Variants in STEEP1 observed in about 807,000 individuals in gnomAD.
The protein encoded by STEEP1 is STING1 ER exit protein 1.
A neutral mutation model predicts 19.2 loss-of-function variants in STEEP1; 3 were observed. The observed-to-expected ratio is 0.16, with a 90% CI of 0.07 to 0.40. The LOEUF is 0.40. Among genes scored for constraint, STEEP1 ranks in the 10% least tolerant of loss-of-function variants. STEEP1 has a pLI of 0.99. For synonymous variants in STEEP1, 46 were observed against 63.7 expected (o/e 0.72, Z 1.32); for missense variants, 54 against 177.1 (o/e 0.30, Z 3.94).
intron 4 of STEEP1, chrX:119,542,855 C>T: frequency 4.4e-6 from 1 of 227,757 alleles, no homozygotes; most frequent in Non-Finnish European, 7.8e-6. Context: ...GGCTGGAATA[C>T]AGTGGCACAA....
chrX:119,551,690 A>C (rs183833609), intron 2 of STEEP1, among the ~76,000 whole-genome samples: 28 of 70,240 alleles, frequency 4.0e-4, no homozygotes, highest in African/African-American at 1.3e-3. Flanking sequence ...CTCACACCAC[A>C]ACAACAACCT....
At chrX:119,545,833 C>T (rs777360964) in intron 2 of STEEP1, among the ~76,000 whole-genome samples, 53 of 99,279 alleles carry the variant, frequency 5.3e-4, no homozygotes, top group Admixed American at 1.8e-3. Context: ...GCGGAGGTTG[C>T]GGTGAGCCGA....
Position 119,545,520 on chromosome X carries a change from A to C in STEEP1, c.243-16T>G, listed in dbSNP as rs1444272708. ...GCCTTCAGGTCTGCACAGAAAATGG[A>C]AGTTAAAAAGATATGAACAAATCTC... On this transcript the variant is annotated splice_polypyrimidine_tract_variant and intron_variant, in intron 2 of 6. Coordinates refer to ENST00000644802, the MANE Select transcript of STEEP1 (RefSeq NM_022101.4). 1.8e-6 allele frequency: 2 copies of C among 1,114,525 alleles called. No individual in the cohort carries two copies. The highest frequency in any genetic ancestry group is 2.5e-6 in the Non-Finnish European group (2 of 810,121). The allele number at this position is 1,114,525 out of a possible 1,213,427, so 91.8% of individuals were successfully genotyped here. A position where few individuals can be genotyped will look rare whatever the true frequency, so the allele number is the denominator to read the frequency against.
At chrX:119,542,227 C>T (rs762104255) in intron 5 of STEEP1, among the ~76,000 whole-genome samples, 3 of 108,336 alleles carry the variant, frequency 2.8e-5, no homozygotes, top group Non-Finnish European at 3.8e-5. Context: ...CCAACACGCC[C>T]GGCTAATTTT....
rs201577508 is a variant in STEEP1, at chrX:119,553,638, CTAA to C, written c.242+6627_242+6629del. Among the ~76,000 whole-genome samples, 901 of 111,278 alleles carry C rather than the reference CTAA, an allele frequency of 8.1e-3. 11 individuals are homozygous for C. The highest frequency in any genetic ancestry group is 0.028 in the African/African-American group (872 of 30,635). On this transcript the variant is annotated intron_variant, in intron 2 of 6. Coordinates refer to ENST00000644802, the MANE Select transcript of STEEP1 (RefSeq NM_022101.4). ...TCATTGACATCACTGGACCAGGGCA[CTAA>C]TAATATTTTTGGTTCTATATACCCT...
chrX:119,554,401 C>T (rs754001034), intron 2 of STEEP1, among the ~76,000 whole-genome samples: 10 of 111,291 alleles, frequency 9.0e-5, no homozygotes, highest in Non-Finnish European at 1.5e-4. Context: ...GCCAAGATTG[C>T]GCCACTGCAC....
In STEEP1 at chrX:119,538,933, C is replaced by T. The variant is rs2053142397; in HGVS notation, c.*794G>A. ...CCTCTGACAGTAGAAAGATTCAAAC[C>T]ACAGCCAATTCCAAGAACCCTTCTA... On this transcript the variant is annotated 3_prime_UTR_variant, in exon 7 of 7. Transcript: ENST00000644802. The T allele has an allele frequency of 9.0e-6, 1 of 111,156 alleles. No homozygotes were observed. The highest frequency in any genetic ancestry group is 1.9e-5 in the Non-Finnish European group (1 of 53,166). 9.2% of individuals were successfully genotyped at this position (111,156 alleles called of 1,213,427 possible).
Position 119,547,831 on chromosome X carries a change from G to T in STEEP1, c.243-2327C>A, listed in dbSNP as rs186031346. 4.4e-3 allele frequency among the ~76,000 whole-genome samples: 489 copies of T among 111,425 alleles called. 2 individuals carry two copies. The highest frequency in any genetic ancestry group is 0.015 in the African/African-American group (450 of 30,669). ...GACATTTCTCCAAGACATACAAATG[G>T]CCAACAGGTATATGAAAAGACTAAT... On this transcript the variant is annotated intron_variant, in intron 2 of 6. Coordinates refer to ENST00000644802, the MANE Select transcript of STEEP1 (RefSeq NM_022101.4).
intron 2 of STEEP1, among the ~76,000 whole-genome samples, chrX:119,549,731 G>A (rs1408869660): frequency 7.1e-5 from 8 of 112,289 alleles, no homozygotes; most frequent in Non-Finnish European, 3.8e-5. Context: ...GAGAAAGCTC[G>A]ATTTTAAAAC....
intron 2 of STEEP1, among the ~76,000 whole-genome samples, chrX:119,555,902 A>T (rs1340450272): frequency 1.8e-5 from 2 of 111,726 alleles, no homozygotes; most frequent in Non-Finnish European, 3.8e-5. Flanking sequence ...CATAAGAAGA[A>T]GGAAAAGAAG....
chrX:119,543,944 GGAAA>G (rs2053182863), intron 4 of STEEP1, among the ~76,000 whole-genome samples: 1 of 111,945 alleles, frequency 8.9e-6, no homozygotes, highest in Non-Finnish European at 1.9e-5. Context: ...GGCAACTGTA[GGAAA>G]GAGAGAACAC....
chrX:119,563,155 C>T (rs954667714), intron 1 of STEEP1, among the ~76,000 whole-genome samples: 4 of 112,014 alleles, frequency 3.6e-5, no homozygotes, highest in African/African-American at 1.3e-4. Flanking sequence ...TTGAACAGGA[C>T]TCTGGCTACT....
chrX:119,562,187 A>G (rs1464962307), intron 1 of STEEP1, among the ~76,000 whole-genome samples: 1 of 111,872 alleles, frequency 8.9e-6, no homozygotes, highest in African/African-American at 3.2e-5. Flanking sequence ...ACCTGAGGTC[A>G]GGAGTTCGAG....
intron 4 of STEEP1, among the ~76,000 whole-genome samples, chrX:119,543,640 A>T (rs1384020512): frequency 9.2e-6 from 1 of 108,262 alleles, no homozygotes; most frequent in Non-Finnish European, 1.9e-5. Context: ...ATACCATCAC[A>T]CCCAGCCAAT....
intron 1 of STEEP1, among the ~76,000 whole-genome samples, chrX:119,561,101 G>T (rs1466867007): frequency 9.1e-6 from 1 of 110,314 alleles, no homozygotes; most frequent in African/African-American, 3.3e-5. Context: ...CCTGAGGTCA[G>T]TAGTTCAAGA....
rs2053151316 is a variant in STEEP1 at position 119,539,873 on chromosome X, C to T, written c.607-84G>A. Reference sequence around the variant, plus strand: ...TATTCTAACCAACCCAAACACTCTCCCTTAATGTTCATTTAGTGTACAAAC... The same window carrying T: ...TATTCTAACCAACCCAAACACTCTCTCTTAATGTTCATTTAGTGTACAAAC... On this transcript the variant is annotated intron_variant, in intron 6 of 6. Coordinates refer to ENST00000644802, the MANE Select transcript of STEEP1 (RefSeq NM_022101.4). The T allele has an allele frequency of 4.4e-6, 3 of 677,423 alleles. No homozygotes were observed. The South Asian group carries it at 7.7e-5, about 17-fold the overall frequency. The allele number at this position is 677,423 out of a possible 1,213,427, so 55.8% of individuals were successfully genotyped here.
chrX:119,565,037 A>C (rs1392654276), intron 1 of STEEP1, 195 bp downstream of exon 1: 3 of 510,926 alleles, frequency 5.9e-6, no homozygotes, highest in Non-Finnish European at 8.6e-6. Flanking sequence ...CAGAGTCACA[A>C]GGCTAAACAA....
intron 1 of STEEP1, among the ~76,000 whole-genome samples, chrX:119,564,512 G>T (rs1343689918): frequency 8.6e-5 from 8 of 93,339 alleles, no homozygotes; most frequent in African/African-American, 2.3e-4. Flanking sequence ...AAGGGGGGGG[G>T]GAAATACGAG....
intron 2 of STEEP1, among the ~76,000 whole-genome samples, chrX:119,549,975 T>C (rs12846138): frequency 0.12 from 13,306 of 111,762 alleles, 1,260 homozygotes; most frequent in African/African-American, 0.32. Context: ...CTCTCACTAC[T>C]TCTATTCAAC....
Sources: gnomAD v4.1 joint callset for allele counts (sites outside exome capture counted in the v4.1 genomes callset) on GRCh38, gnomAD v4.1.1 for gene constraint, MANE v1.5 for transcripts, NCBI Gene and HGNC (gene_info 2026-07-23, HGNC 2026-07-21) for gene names.